The following SGMS1 variants were observed in gnomAD, a reference collection of about 807,000 sequenced individuals.
SGMS1 encodes sphingomyelin synthase 1.
Under a neutral mutation model 46.2 loss-of-function variants are expected in SGMS1, and 13 were observed. The ratio of observed to expected loss-of-function variants is 0.28; its 90% CI spans 0.18 to 0.45. The LOEUF (loss-of-function observed/expected upper bound fraction) is 0.45, where lower values mean the gene tolerates loss of function less well. Among genes scored for constraint, SGMS1 ranks in the 20% least tolerant of loss-of-function variants. SGMS1 has a pLI of 1.00. For synonymous variants in SGMS1, 203 were observed against 187.8 expected (o/e 1.08, Z -0.66); for missense variants, 324 against 519.9 (o/e 0.62, Z 3.66).
chr10:50,561,583 A>C (rs1284027045), intron 2 of SGMS1, among the ~76,000 whole-genome samples: 2 of 152,186 alleles, frequency 1.3e-5, no homozygotes, highest in East Asian at 3.8e-4. Context: ...AATCTTTATA[A>C]ATACTGAAAG....
chr10:50,522,980 C>T (rs1674733367), intron 2 of SGMS1, among the ~76,000 whole-genome samples: 1 of 152,154 alleles, frequency 6.6e-6, no homozygotes, highest in Non-Finnish European at 1.5e-5. Context: ...TCTGCTTTCT[C>T]AATGCTATGA....
chr10:50,516,211 A>G (rs1194616056), intron 3 of SGMS1, among the ~76,000 whole-genome samples: 2 of 152,196 alleles, frequency 1.3e-5, no homozygotes, highest in Non-Finnish European at 2.9e-5. Context: ...ACTTTGAAAT[A>G]CTTTTTTCAT....
In SGMS1 at chr10:50,524,798, A is replaced by C. The variant is rs967253755; in HGVS notation, c.-588-4877T>G. 1.3e-3 allele frequency among the ~76,000 whole-genome samples: 196 copies of C among 152,208 alleles called. 2 individuals carry two copies. The highest frequency in any genetic ancestry group is 2.8e-4 in the Non-Finnish European group (19 of 68,040). ...CATAGTTAGTTGAAAAATTAACAGCATAATAGGTACTTCCAGGCAAAAGGC... is the reference window on the plus strand; with the variant it reads ...CATAGTTAGTTGAAAAATTAACAGCCTAATAGGTACTTCCAGGCAAAAGGC... On this transcript the variant is annotated intron_variant, in intron 2 of 10. Coordinates refer to ENST00000361781, the MANE Select transcript of SGMS1 (RefSeq NM_147156.4).
At chr10:50,372,655 T>C (rs1848457919) in intron 6 of SGMS1, among the ~76,000 whole-genome samples, 1 of 151,844 alleles carries the variant, frequency 6.6e-6, no homozygotes, top group African/African-American at 2.4e-5. Flanking sequence ...ATCATGCCAC[T>C]GCACTCCAGC....
At chr10:50,363,885 T>C (rs927593736) in intron 6 of SGMS1, among the ~76,000 whole-genome samples, 1 of 152,002 alleles carries the variant, frequency 6.6e-6, no homozygotes, top group Non-Finnish European at 1.5e-5. Flanking sequence ...AGAAACTCTC[T>C]AATAAATATA....
At chr10:50,339,061 C>T in intron 7 of SGMS1, among the ~76,000 whole-genome samples, 1 of 152,178 alleles carries the variant, frequency 6.6e-6, no homozygotes, top group East Asian at 1.9e-4. Context: ...CAACCAGGCC[C>T]CCTGCTTCAA....
chr10:50,560,498 A>G (rs949754550), intron 2 of SGMS1, among the ~76,000 whole-genome samples: 2 of 143,132 alleles, frequency 1.4e-5, no homozygotes, highest in South Asian at 4.3e-4. Context: ...TACATAATAC[A>G]TAAATACATA....
chr10:50,589,911 T>C (rs1216855437), intron 2 of SGMS1, among the ~76,000 whole-genome samples: 4 of 152,230 alleles, frequency 2.6e-5, no homozygotes, highest in Non-Finnish European at 4.4e-5. Flanking sequence ...GGGAAGAATA[T>C]CCTTATTTGT....
At position 50,307,507 on chromosome 10, in the gene SGMS1, A is replaced by G. The variant is rs1287146572; in HGVS notation, c.1063-186T>C. On this transcript the variant is annotated intron_variant, in intron 10 of 10. Coordinates refer to ENST00000361781, the MANE Select transcript of SGMS1 (RefSeq NM_147156.4). The surrounding 1 kb of genome is among the most constrained non-coding windows in gnomAD (Gnocchi z 4.2). Reference sequence around the variant, plus strand: ...TCTACAAACTGAGCCACATCCCAGTAGAAAAACAACGCCAATTCTGGGAGG... The same window carrying G: ...TCTACAAACTGAGCCACATCCCAGTGGAAAAACAACGCCAATTCTGGGAGG... Among the ~76,000 whole-genome samples, 2 of 152,200 alleles carry G rather than the reference A, an allele frequency of 1.3e-5. No individual in the cohort carries two copies. Among genetic ancestry groups the G allele is most frequent in the Admixed American group, 6.5e-5 (1 of 15,272 alleles).
chr10:50,523,036 G>A (rs377464206), intron 2 of SGMS1, among the ~76,000 whole-genome samples: 4 of 152,088 alleles, frequency 2.6e-5, no homozygotes, highest in South Asian at 2.1e-4. Flanking sequence ...TCACAGCGGG[G>A]AAAGTGTTCA....
At chr10:50,364,629 A>ATATT (rs1391371665) in intron 6 of SGMS1, among the ~76,000 whole-genome samples, 1 of 152,246 alleles carries the variant, frequency 6.6e-6, no homozygotes, top group Non-Finnish European at 1.5e-5. Context: ...AATGGGCAAT[A>ATATT]GTGCCTCCTT....
At chr10:50,328,590 T>C (rs1311862545) in intron 7 of SGMS1, among the ~76,000 whole-genome samples, 2 of 152,238 alleles carry the variant, frequency 1.3e-5, no homozygotes, top group African/African-American at 2.4e-5. Context: ...TATCCACATC[T>C]GCACAGCCCA....
At chr10:50,406,326 G>A (rs1265503039) in intron 6 of SGMS1, among the ~76,000 whole-genome samples, 2 of 152,190 alleles carry the variant, frequency 1.3e-5, no homozygotes, top group African/African-American at 2.4e-5. Flanking sequence ...ACTCCTGTCG[G>A]ATGTGCAGCT....
intron 3 of SGMS1, among the ~76,000 whole-genome samples, chr10:50,495,311 A>C (rs1837606024): frequency 6.6e-6 from 1 of 151,570 alleles, no homozygotes; most frequent in South Asian, 2.1e-4. Flanking sequence ...GAAGAGGCTT[A>C]ATTAATGATT....
chr10:50,370,690 G>A (rs1848421728), intron 6 of SGMS1, among the ~76,000 whole-genome samples: 1 of 150,344 alleles, frequency 6.7e-6, no homozygotes, highest in South Asian at 2.1e-4. Flanking sequence ...GCAGTGAGCC[G>A]AGATCGTGCC....
chr10:50,423,611 G>T (rs752321406), intron 6 of SGMS1, among the ~76,000 whole-genome samples: 1 of 151,296 alleles, frequency 6.6e-6, no homozygotes, highest in African/African-American at 2.4e-5. Flanking sequence ...AAAAGTCAAT[G>T]AACTCTTCTT....
chr10:50,547,517 C>T (rs1305979678), intron 2 of SGMS1, among the ~76,000 whole-genome samples: 2 of 152,122 alleles, frequency 1.3e-5, no homozygotes, highest in Admixed American at 6.5e-5. Flanking sequence ...CCTGAATAGA[C>T]CAATAATGAG....
At chr10:50,488,028 T>TATTGATTGATTG (rs1458889963) in intron 3 of SGMS1, among the ~76,000 whole-genome samples, 47 of 137,410 alleles carry the variant, frequency 3.4e-4, no homozygotes, top group African/African-American at 1.2e-3. Context: ...TTTATTTATT[T>TATTGATTGATTG]ATTGAGACTG....
rs138576674 is a variant in SGMS1 at position 50,523,072 on chromosome 10, T to A, written c.-588-3151A>T. On this transcript the variant is annotated intron_variant, in intron 2 of 10. Coordinates refer to ENST00000361781, the MANE Select transcript of SGMS1 (RefSeq NM_147156.4). ...AGCAGGAAACCAGGGCAAATGTGAG[T>A]CCCCCTCTTGTGATTCTCTTCTCTC... Among the ~76,000 whole-genome samples the A allele has an allele frequency of 6.1e-3, 933 of 152,152 alleles. 7 individuals are homozygous for A. The highest frequency in any genetic ancestry group is 0.021 in the African/African-American group (884 of 41,494).
Sources: allele counts gnomAD v4.1 joint callset (sites outside exome capture counted in the v4.1 genomes callset), GRCh38; gene constraint gnomAD v4.1.1; non-coding constraint Gnocchi (gnomAD v3.1); transcripts MANE v1.5; gene names NCBI Gene and HGNC (gene_info 2026-07-23, HGNC 2026-07-21).